The following DMGDH variants were observed in gnomAD, a reference collection of about 807,000 sequenced individuals.
The protein encoded by DMGDH is dimethylglycine dehydrogenase, also known as dimethylglycine dehydrogenase, mitochondrial.
DMGDH carries 76 observed loss-of-function variants against 95.2 expected under a neutral mutation model. The observed-to-expected ratio is 0.80, with a 90% CI of 0.66 to 0.97. The LOEUF is 0.97. Among genes scored for constraint, DMGDH ranks in the 50% least tolerant of loss-of-function variants. The probability of loss-of-function intolerance (pLI) is 0.00; values close to 1 mark genes in which losing one functional copy is unlikely to be tolerated. For synonymous variants in DMGDH, 345 were observed against 377.6 expected (o/e 0.91, Z 1.00); for missense variants, 987 against 1,055.0 (o/e 0.94, Z 0.89).
intron 5 of DMGDH, among the ~76,000 whole-genome samples, chr5:79,046,936 T>C (rs1320353904): frequency 6.6e-6 from 1 of 152,234 alleles, no homozygotes; most frequent in Non-Finnish European, 1.5e-5. Context: ...TCCAACTGCT[T>C]GCTTACTAAT....
intron 2 of DMGDH, among the ~76,000 whole-genome samples, chr5:79,063,007 G>A (rs543398309): frequency 6.6e-5 from 10 of 152,200 alleles, no homozygotes; most frequent in Non-Finnish European, 1.3e-4. Context: ...CAAGAGAATC[G>A]CTTGAACCTG....
intron 5 of DMGDH, among the ~76,000 whole-genome samples, chr5:79,049,452 A>T (rs1319147589): frequency 6.6e-6 from 1 of 152,256 alleles, no homozygotes; most frequent in Non-Finnish European, 1.5e-5. Flanking sequence ...GTCCAAGTCC[A>T]TCTGAAATGA....
chr5:79,029,944 G>T lies in DMGDH; in HGVS notation c.1774C>A (p.Leu592Ile). The change falls in exon 11 of 16, where the codon CTT (leucine) becomes ATT (isoleucine). Residue 592 changes from leucine to isoleucine, a missense_variant. Transcript: ENST00000255189. The stretch of plus-strand genomic sequence containing the variant: ...TCTGATCCAGAGCCAGTAATTAAAA[G>T]AAACTCCCCAGGAGATTGGTGAGAA... ...TVSHQSPGEF[L>I]LITGSGSELH... The T allele has an allele frequency of 6.2e-7, 1 of 1,614,050 alleles. No individual in the cohort carries two copies. Among genetic ancestry groups the T allele is most frequent in the Non-Finnish European group, 8.5e-7 (1 of 1,179,976 alleles).
In DMGDH at chr5:79,044,502, T is replaced by A. The variant is rs770632556; in HGVS notation, c.796A>T (p.Ile266Phe). 2 of 1,614,172 alleles carry A rather than the reference T, an allele frequency of 1.2e-6. No individual in the cohort carries two copies. Among genetic ancestry groups the A allele is most frequent in the East Asian group, 4.5e-5 (2 of 44,892 alleles). Residue 266 changes from isoleucine (I) to phenylalanine (F), a missense_variant, in exon 6 of 16, where the codon ATT becomes TTT. Physicochemically the swap from Ile to Phe is conservative, Grantham distance 21. Transcript: ENST00000255189. ...GKMIGLEHPL[I>F]PVQHQYVVTS... The stretch of plus-strand genomic sequence containing the variant: ...ACAACATATTGATGTTGAACCGGAA[T>A]GAGAGGATGTTCTAGTCCAATCATT...
At chr5:79,020,111 T>C (rs912598762) in intron 14 of DMGDH, among the ~76,000 whole-genome samples, 4 of 152,182 alleles carry the variant, frequency 2.6e-5, no homozygotes, top group African/African-American at 9.7e-5. Context: ...CAGGATAATA[T>C]GTTCAGCCAG....
At chr5:79,021,010 C>G (rs1396043733) in intron 14 of DMGDH, 4 of 985,338 alleles carry the variant, frequency 4.1e-6, no homozygotes, top group Non-Finnish European at 4.8e-6. Flanking sequence ...TAAACAAAGG[C>G]TACTGATTTT....
chr5:79,028,768 C>G, intron 11 of DMGDH, 118 bp from the exon 12 acceptor site: 4 of 1,117,360 alleles, frequency 3.6e-6, no homozygotes, highest in South Asian at 1.3e-5. Flanking sequence ...CCCAGAGTGT[C>G]ATTTCATGAA....
At chr5:79,051,570 G>A (rs1051169290) in intron 4 of DMGDH, 79 bp from the exon 5 acceptor site, 62 of 1,356,968 alleles carry the variant, frequency 4.6e-5, no homozygotes, top group African/African-American at 8.7e-5. Flanking sequence ...GCTAGTAAAC[G>A]TTTAGTAAAA....
intron 5 of DMGDH, 34 bp downstream of exon 5, chr5:79,051,253 A>G (rs769208605): frequency 8.2e-5 from 132 of 1,605,436 alleles, no homozygotes; most frequent in Non-Finnish European, 1.1e-4. Context: ...TTGGCACTTA[A>G]AAAACACTAA....
At chr5:79,045,521 GT>G (rs1184303798) in intron 5 of DMGDH, among the ~76,000 whole-genome samples, 1 of 152,076 alleles carries the variant, frequency 6.6e-6, no homozygotes, top group Non-Finnish European at 1.5e-5. Flanking sequence ...CATCTTATTG[GT>G]TTTTCTTGCT....
At chr5:79,048,256 T>C (rs1185094364) in intron 5 of DMGDH, among the ~76,000 whole-genome samples, 1 of 152,208 alleles carries the variant, frequency 6.6e-6, no homozygotes, top group Non-Finnish European at 1.5e-5. Flanking sequence ...ATTATCCCTA[T>C]TTTACAAATA....
chr5:79,030,992 A>G lies in DMGDH; in HGVS notation c.1524T>C (p.Ser508=), dbSNP rs1253990760. Residue 508 remains serine (S), a synonymous_variant, in exon 10 of 16, where the codon AGT becomes AGC. Transcript: ENST00000255189. ...KPGQDTQYRP[S]FRRTNWFEPV... Reference sequence around the variant, plus strand: ...GCTCAAACCAGTTTGTGCGGCGAAAACTTGGCCTGAAACACAACATTTAGT... The same window carrying G: ...GCTCAAACCAGTTTGTGCGGCGAAAGCTTGGCCTGAAACACAACATTTAGT... 6.2e-7 allele frequency: 1 copy of G among 1,614,054 alleles called. No individual in the cohort carries two copies. The highest frequency in any genetic ancestry group is 1.3e-5 in the African/African-American group (1 of 74,932).
intron 5 of DMGDH, among the ~76,000 whole-genome samples, chr5:79,049,182 G>C (rs1418932099): frequency 6.6e-6 from 1 of 152,034 alleles, no homozygotes; most frequent in African/African-American, 2.4e-5. Flanking sequence ...AGCTTCATCT[G>C]GTAACTAGTG....
At position 79,032,686 on chromosome 5, in the gene DMGDH, CCTGTA is replaced by C. The variant is rs778707775; in HGVS notation, c.1513_1517del (p.Tyr505AlafsTer10). 6.2e-7 allele frequency: 1 copy of C among 1,614,158 alleles called. No homozygotes were observed. Among genetic ancestry groups the C allele is most frequent in the South Asian group, 1.1e-5 (1 of 91,080 alleles). On this transcript the variant is annotated frameshift_variant and splice_region_variant, in exon 9 of 16. Transcript: ENST00000255189. LOFTEE classifies it high-confidence loss of function. ...ACAGGCAGGTAAAGTCCTTCTCCCA[CCTGTA>C]CTGAGTGTCCTGGCCTGGTTTGTAG...
At chr5:79,050,368 A>T (rs1453346050) in intron 5 of DMGDH, among the ~76,000 whole-genome samples, 2 of 150,038 alleles carry the variant, frequency 1.3e-5, no homozygotes, top group Non-Finnish European at 3.0e-5. Flanking sequence ...TCCTCATGGG[A>T]TATCATTTGA....
intron 14 of DMGDH, among the ~76,000 whole-genome samples, chr5:79,023,416 T>C (rs1753913864): frequency 6.6e-6 from 1 of 152,224 alleles, no homozygotes; most frequent in African/African-American, 2.4e-5. Context: ...GTAAGGCTTG[T>C]ACAGATGAGC....
chr5:79,066,050 C>T (rs906406343), intron 1 of DMGDH, among the ~76,000 whole-genome samples: 9 of 152,166 alleles, frequency 5.9e-5, no homozygotes, highest in African/African-American at 1.4e-4. Flanking sequence ...AAAGGACATT[C>T]TCTTACATAA....
intron 13 of DMGDH, among the ~76,000 whole-genome samples, chr5:79,025,078 T>C (rs1753962863): frequency 6.6e-6 from 1 of 152,230 alleles, no homozygotes; most frequent in Non-Finnish European, 1.5e-5. Flanking sequence ...TCTAAAATTA[T>C]ATTTATCTGT....
intron 15 of DMGDH, among the ~76,000 whole-genome samples, chr5:79,002,976 C>A (rs570422506): frequency 6.6e-6 from 1 of 152,164 alleles, no homozygotes; most frequent in African/African-American, 2.4e-5. Flanking sequence ...ATGCATAGGG[C>A]AAAGGAAAAA....
Sources: gnomAD v4.1 joint callset for allele counts (sites outside exome capture counted in the v4.1 genomes callset) on GRCh38, gnomAD v4.1.1 for gene constraint, MANE v1.5 for transcripts, NCBI Gene and HGNC (gene_info 2026-07-23, HGNC 2026-07-21) for gene names.